RBPMS: variants seen among roughly 807,000 people sequenced by gnomAD.
RBPMS encodes the protein RNA binding protein, mRNA processing factor.
A neutral mutation model predicts 26.8 loss-of-function variants in RBPMS; 7 were observed. The observed-to-expected ratio is 0.26, with a 90% CI of 0.15 to 0.49. RBPMS has a LOEUF of 0.49. Ranked by LOEUF, RBPMS falls within the 20% of genes least tolerant of loss-of-function variation. RBPMS has a pLI of 0.98. For synonymous variants in RBPMS, 96 were observed against 93.3 expected (o/e 1.03, Z -0.17); for missense variants, 186 against 250.0 (o/e 0.74, Z 1.73).
At chr8:30,548,387 C>A (rs140562714) in intron 6 of RBPMS, among the ~76,000 whole-genome samples, 4 of 152,186 alleles carry the variant, frequency 2.6e-5, no homozygotes, top group Admixed American at 2.0e-4. Context: ...CCCTGTACTT[C>A]AGGCAGAGTC....
At chr8:30,448,565 C>T (rs1814148611) in intron 1 of RBPMS, among the ~76,000 whole-genome samples, 1 of 152,090 alleles carries the variant, frequency 6.6e-6, no homozygotes, top group Non-Finnish European at 1.5e-5. Flanking sequence ...GTGCACGAAG[C>T]AGAGAAAAAA....
intron 4 of RBPMS, among the ~76,000 whole-genome samples, chr8:30,482,401 C>T (rs1818371808): frequency 2.0e-5 from 3 of 152,166 alleles, no homozygotes; most frequent in Non-Finnish European, 4.4e-5. Flanking sequence ...GTGTTATGAA[C>T]GACTTCTCCA....
intron 1 of RBPMS, among the ~76,000 whole-genome samples, chr8:30,435,344 A>G (rs1223934479): frequency 2.0e-5 from 3 of 152,158 alleles, no homozygotes; most frequent in Non-Finnish European, 2.9e-5. Context: ...TGAAATTGAA[A>G]ACACTTCTGG....
intron 4 of RBPMS, among the ~76,000 whole-genome samples, 180 bp from the exon 5 acceptor site, chr8:30,504,102 CACTG>C (rs1294794421): frequency 6.6e-6 from 1 of 152,182 alleles, no homozygotes; most frequent in Non-Finnish European, 1.5e-5. Flanking sequence ...AACTAAATCC[CACTG>C]ACTTTCGGGA....
intron 1 of RBPMS, among the ~76,000 whole-genome samples, chr8:30,439,032 C>T (rs1267702580): frequency 6.6e-6 from 1 of 152,216 alleles, no homozygotes; most frequent in Non-Finnish European, 1.5e-5. Context: ...CTGCTTTGGC[C>T]TCCCAAAGTA....
intron 4 of RBPMS, among the ~76,000 whole-genome samples, chr8:30,483,574 G>C (rs1451324376): frequency 6.6e-6 from 1 of 151,586 alleles, no homozygotes; most frequent in African/African-American, 2.4e-5. Context: ...AATGGCTTTT[G>C]GTATATTACA....
At chr8:30,515,997 CA>C (rs1279684734) in intron 5 of RBPMS, among the ~76,000 whole-genome samples, 3 of 152,184 alleles carry the variant, frequency 2.0e-5, no homozygotes, top group Non-Finnish European at 4.4e-5. Context: ...CAAAACCACA[CA>C]AAAGTTCTTT....
intron 1 of RBPMS, among the ~76,000 whole-genome samples, chr8:30,440,860 C>T (rs1468531924): frequency 6.6e-6 from 1 of 150,916 alleles, no homozygotes; most frequent in African/African-American, 2.4e-5. Context: ...GTGCCATGAT[C>T]ATAGCTCACT....
At chr8:30,504,123 G>C (rs1820847971) in intron 4 of RBPMS, among the ~76,000 whole-genome samples, 163 bp from the exon 5 acceptor site, 1 of 152,188 alleles carries the variant, frequency 6.6e-6, no homozygotes, top group African/African-American at 2.4e-5. Flanking sequence ...GGGACACTTT[G>C]TGTTGTCATT....
chr8:30,422,118 A>AT (rs1361941276), intron 1 of RBPMS, among the ~76,000 whole-genome samples: 2 of 149,850 alleles, frequency 1.3e-5, no homozygotes, highest in African/African-American at 4.9e-5. Context: ...ATTTTATTTT[A>AT]TTTTATTTTT....
chr8:30,545,045 T>TC, intron 6 of RBPMS: 1 of 1,401,710 alleles, frequency 7.1e-7, no homozygotes, highest in South Asian at 1.4e-5. Context: ...TTGAGAGTTT[T>TC]CCACTCTCGT....
intron 1 of RBPMS, among the ~76,000 whole-genome samples, chr8:30,433,970 G>A (rs1812188057): frequency 6.6e-6 from 1 of 152,026 alleles, no homozygotes; most frequent in Non-Finnish European, 1.5e-5. Context: ...AATTCTTTGA[G>A]GTGGATAAAC....
chr8:30,504,336 T>C lies in RBPMS; in HGVS notation c.297T>C (p.Ala99=), dbSNP rs148734396. 47 of 1,614,040 alleles carry C rather than the reference T, an allele frequency of 2.9e-5. No individual in the cohort carries two copies. In the African/African-American group the frequency reaches 5.2e-4, roughly 18 times the overall value. ...CGCAAACACTACGACTAGAGTTTGC[T>C]AAGGCAAACACGAAGATGGCCAAGA... ...EIPQTLRLEF[A]KANTKMAKNK... The change falls in exon 5 of 9, where the codon GCT becomes GCC. Residue 99 remains alanine, a synonymous_variant. Coordinates refer to ENST00000397323, the MANE Select transcript of RBPMS (RefSeq NM_001008710.3).
intron 1 of RBPMS, among the ~76,000 whole-genome samples, chr8:30,436,821 A>G (rs1217672857): frequency 6.6e-6 from 1 of 152,172 alleles, no homozygotes; most frequent in Non-Finnish European, 1.5e-5. Context: ...ATTTTGTTCT[A>G]AAAGAGGTTC....
At chr8:30,488,422 A>T (rs1819022811) in intron 4 of RBPMS, among the ~76,000 whole-genome samples, 1 of 152,212 alleles carries the variant, frequency 6.6e-6, no homozygotes, top group South Asian at 2.1e-4. Context: ...AAGAACATTG[A>T]ATAGAAGGCA....
intron 8 of RBPMS, among the ~76,000 whole-genome samples, chr8:30,570,218 C>CTGTT (rs773783097): frequency 4.9e-4 from 74 of 152,330 alleles, no homozygotes; most frequent in South Asian, 1.5e-3. Context: ...CAATAATTAT[C>CTGTT]TGTTTATGGC....
chr8:30,464,077 C>G (rs1816238542), intron 1 of RBPMS, among the ~76,000 whole-genome samples: 1 of 152,130 alleles, frequency 6.6e-6, no homozygotes, highest in Non-Finnish European at 1.5e-5. Flanking sequence ...TCTTTTTGAG[C>G]CAAGGAGGTT....
chr8:30,517,189 CGTGTGTGTGTGTGTGTGTGTGTGTGTGT>C lies in RBPMS; in HGVS notation c.397+12775_397+12802del, dbSNP rs56327512. Among the ~76,000 whole-genome samples, 227 of 132,562 alleles carry C rather than the reference CGTGTGTGTGTGTGTGTGTGTGTGTGTGT, an allele frequency of 1.7e-3. 2 individuals carry two copies. In the South Asian group the frequency reaches 0.029, roughly 17 times the overall value. 87.0% of individuals were successfully genotyped at this position (132,562 alleles called of 152,430 possible). A position where few individuals can be genotyped will look rare whatever the true frequency, so the allele number is the denominator to read the frequency against. ...TCAATAGATATATAGGCCAAGACCC[CGTGTGTGTGTGTGTGTGTGTGTGTGTGT>C]GTGTGTGTGTGTGTGTGTGTGAAAT... On this transcript the variant is annotated intron_variant, in intron 5 of 8. Transcript: ENST00000397323.
chr8:30,569,597 G>A (rs373813491), intron 8 of RBPMS, among the ~76,000 whole-genome samples: 103 of 152,318 alleles, frequency 6.8e-4, no homozygotes, highest in African/African-American at 2.4e-3. Flanking sequence ...CTGGAAAGAT[G>A]AGCAGGGGTG....
Sources: gnomAD v4.1 joint callset for allele counts (sites outside exome capture counted in the v4.1 genomes callset) on GRCh38, gnomAD v4.1.1 for gene constraint, MANE v1.5 for transcripts, NCBI Gene and HGNC (gene_info 2026-07-23, HGNC 2026-07-21) for gene names.